FRMPD4: variants seen among roughly 807,000 people sequenced by gnomAD.
FRMPD4 encodes FERM and PDZ domain containing 4, also known as FERM and PDZ domain-containing protein 4.
Under a neutral mutation model 94.1 loss-of-function variants are expected in FRMPD4, and 22 were observed. The ratio of observed to expected loss-of-function variants is 0.23; its 90% confidence interval spans 0.17 to 0.33. The LOEUF (loss-of-function observed/expected upper bound fraction) is 0.33. Ranked by LOEUF, FRMPD4 falls within the 10% of genes least tolerant of loss-of-function variation. The pLI, the probability that FRMPD4 is intolerant of heterozygous loss-of-function variation, is 1.00. For missense variants in FRMPD4, 1,111 were observed against 1,339.9 expected, an observed-to-expected ratio of 0.83 and a Z score of 2.67; for synonymous variants, 631 against 548.6, an observed-to-expected ratio of 1.15 and a Z score of -2.10.
intron 1 of FRMPD4, among the ~76,000 whole-genome samples, chrX:12,193,321 A>G (rs887153542): frequency 9.0e-6 from 1 of 111,395 alleles, no homozygotes; most frequent in African/African-American, 3.3e-5. Context: ...CTTGATGGGC[A>G]TCTTAAATTG....
chrX:12,639,322 A>C (rs1206126779), intron 4 of FRMPD4, among the ~76,000 whole-genome samples: 1 of 112,454 alleles, frequency 8.9e-6, no homozygotes, highest in East Asian at 2.8e-4. Context: ...GTCATGTAGC[A>C]CTTTAATTTG....
chrX:11,971,190 G>A (rs191477376), intron 3 of FRMPD4, among the ~76,000 whole-genome samples: 252 of 112,154 alleles, frequency 2.2e-3, no homozygotes, highest in African/African-American at 8.0e-3. Context: ...ATTGGAGTCT[G>A]AGTTGCTGCC....
At chrX:12,351,958 C>G (rs1034079948) in intron 1 of FRMPD4, among the ~76,000 whole-genome samples, 68 of 112,387 alleles carry the variant, frequency 6.1e-4, no homozygotes, top group African/African-American at 2.1e-3. Context: ...CTGACGTGAA[C>G]ATCCTACTAC....
chrX:12,598,063 T>C (rs1243349668), intron 2 of FRMPD4, among the ~76,000 whole-genome samples: 1 of 112,405 alleles, frequency 8.9e-6, no homozygotes, highest in Non-Finnish European at 1.9e-5. Context: ...TATATATTAG[T>C]TGGTATATTA....
At chrX:12,112,238 TA>T (rs2055370114) in intron 3 of FRMPD4, among the ~76,000 whole-genome samples, 1 of 111,689 alleles carries the variant, frequency 9.0e-6, no homozygotes, top group Non-Finnish European at 1.9e-5. Flanking sequence ...TATGCAGCCA[TA>T]AAAAATGATG....
At chrX:12,572,441 T>C (rs1008805267) in intron 2 of FRMPD4, among the ~76,000 whole-genome samples, 1 of 112,473 alleles carries the variant, frequency 8.9e-6, no homozygotes. Context: ...GCAAAATAAA[T>C]GCTGCCTTTA....
chrX:12,402,419 TA>T (rs2056619816), intron 1 of FRMPD4, among the ~76,000 whole-genome samples: 1 of 111,406 alleles, frequency 9.0e-6, no homozygotes, highest in African/African-American at 3.3e-5. Context: ...ACCCTGCTTA[TA>T]AGACCAAGAG....
At chrX:11,853,109 T>A (rs6640799) in intron 1 of FRMPD4, among the ~76,000 whole-genome samples, 14,470 of 111,352 alleles carry the variant, frequency 0.13, 1,140 homozygotes, top group African/African-American at 0.29. Context: ...AAACCATACA[T>A]TTACATGGAA....
chrX:12,612,962 A>G (rs1323818088), intron 3 of FRMPD4, among the ~76,000 whole-genome samples: 2 of 111,876 alleles, frequency 1.8e-5, no homozygotes, highest in East Asian at 5.6e-4. Context: ...AATTTATGCT[A>G]CAGCTTGAAT....
At chrX:12,398,329 C>CTT (rs763306800) in intron 1 of FRMPD4, among the ~76,000 whole-genome samples, 11 of 111,861 alleles carry the variant, frequency 9.8e-5, no homozygotes, top group Non-Finnish European at 1.9e-4. Context: ...TATGGAGAGA[C>CTT]TTTGATATAA....
intron 4 of FRMPD4, among the ~76,000 whole-genome samples, chrX:12,662,366 G>A (rs1372659462): frequency 1.9e-5 from 2 of 108,049 alleles, no homozygotes; most frequent in African/African-American, 6.8e-5. Context: ...CCCACCCCCC[G>A]ACAGGGCCCG....
intron 2 of FRMPD4, among the ~76,000 whole-genome samples, chrX:12,582,845 C>T (rs903527524): frequency 2.7e-5 from 3 of 112,250 alleles, no homozygotes; most frequent in African/African-American, 9.7e-5. Flanking sequence ...TGTAGTGAAA[C>T]AGTAAAGGGA....
chrX:11,845,797 G>T (rs1208329945), intron 1 of FRMPD4, among the ~76,000 whole-genome samples: 1 of 108,820 alleles, frequency 9.2e-6, no homozygotes, highest in Non-Finnish European at 1.9e-5. Flanking sequence ...TATCTCAATA[G>T]ATGCACAAAA....
chrX:12,241,947 AAGG>A (rs1384238452), intron 1 of FRMPD4, among the ~76,000 whole-genome samples: 7 of 66,385 alleles, frequency 1.1e-4, no homozygotes, highest in African/African-American at 2.6e-4. Flanking sequence ...GGGGAAGGGG[AAGG>A]GGAGGAGGAG....
intron 3 of FRMPD4, among the ~76,000 whole-genome samples, chrX:12,071,465 T>C (rs1406694238): frequency 8.9e-6 from 1 of 112,096 alleles, no homozygotes; most frequent in African/African-American, 3.2e-5. Flanking sequence ...AATTCTTCTT[T>C]AAAATGTTCA....
At chrX:11,832,003 C>A (rs984761967) in intron 1 of FRMPD4, among the ~76,000 whole-genome samples, 2 of 111,901 alleles carry the variant, frequency 1.8e-5, no homozygotes, top group South Asian at 3.8e-4. Context: ...TGGGCACAAA[C>A]TAATGAATGT....
At chrX:12,600,292 G>A (rs778307661) in intron 2 of FRMPD4, among the ~76,000 whole-genome samples, 5 of 110,475 alleles carry the variant, frequency 4.5e-5, no homozygotes, top group South Asian at 3.9e-4. Flanking sequence ...TTTGATGTCC[G>A]TCAGCTGTTC....
intron 1 of FRMPD4, among the ~76,000 whole-genome samples, chrX:12,213,125 G>C (rs2056771019): frequency 9.0e-6 from 1 of 111,213 alleles, no homozygotes; most frequent in Non-Finnish European, 1.9e-5. Flanking sequence ...CTGTGTTTCT[G>C]AGCCTCAGTT....
chrX:11,852,311 A>T (rs1227310430), intron 1 of FRMPD4, among the ~76,000 whole-genome samples: 1 of 109,025 alleles, frequency 9.2e-6, no homozygotes, highest in South Asian at 4.1e-4. Flanking sequence ...CTCAGGGTTT[A>T]TGGTAATGGA....
Sources: gnomAD v4.1 joint callset for allele counts (sites outside exome capture counted in the v4.1 genomes callset) on GRCh38, gnomAD v4.1.1 for gene constraint, MANE v1.5 for transcripts, NCBI Gene and HGNC (gene_info 2026-07-23, HGNC 2026-07-21) for gene names.